C22orf23: variants seen among roughly 807,000 people sequenced by gnomAD.
C22orf23 encodes the protein UPF0193 protein EVG1.
Under a neutral mutation model 29.7 loss-of-function variants are expected in C22orf23, and 30 were observed. The ratio of observed to expected loss-of-function variants is 1.01; its 90% CI spans 0.76 to 1.37. The LOEUF is 1.37. C22orf23 is among the 40% of genes most tolerant of loss of function. The pLI is 0.00. For synonymous variants in C22orf23, 90 were observed against 96.1 expected, an observed-to-expected ratio of 0.94 and a Z score of 0.37; for missense variants, 237 against 273.1, an observed-to-expected ratio of 0.87 and a Z score of 0.93.
At chr22:37,947,208 G>T in intron 4 of C22orf23, 73 bp downstream of exon 4, 1 of 1,520,922 alleles carries the variant, frequency 6.6e-7, no homozygotes, top group Non-Finnish European at 9.1e-7. Context: ...CTGCCCTGTG[G>T]GCTGCTTGCG....
chr22:37,945,488 T>C (rs992380190), intron 4 of C22orf23, among the ~76,000 whole-genome samples: 4 of 148,748 alleles, frequency 2.7e-5, no homozygotes, highest in African/African-American at 5.1e-5. Context: ...CATCTCTTTT[T>C]TTCTTCTTTT....
rs1930503569 is a variant in C22orf23 at position 37,943,124 on chromosome 22, T to G, written c.*1051A>C. The G allele has an allele frequency of 6.6e-6, 1 of 151,740 alleles. No homozygotes were observed. The highest frequency in any genetic ancestry group is 2.4e-5 in the African/African-American group (1 of 41,278). The allele number at this position is 151,740 out of a possible 1,614,324, so 9.4% of individuals were successfully genotyped here. A position where few individuals can be genotyped will look rare whatever the true frequency, so the allele number is the denominator to read the frequency against. On this transcript the variant is annotated 3_prime_UTR_variant, in exon 7 of 7. Coordinates refer to ENST00000403305, the MANE Select transcript of C22orf23 (RefSeq NM_032561.5). ...TCCCTCCAGGTGCCCGAGACAAGGT[T>G]GATATTTCCAAAATATTTTGGTGAT...
chr22:37,951,597 A>G, intron 2 of C22orf23, 75 bp from the exon 3 acceptor site: 1 of 1,284,196 alleles, frequency 7.8e-7, no homozygotes, highest in South Asian at 1.2e-5. Flanking sequence ...ACTGAAATTT[A>G]AAACCCTACA....
rs527479624 is a variant in C22orf23 at position 37,947,134 on chromosome 22, C to T, written c.349+147G>A. ...TGCGCCCTGAATACCCCTAAGCCAA[C>T]ATGTGCTGAGGCTCAAGAGCATTGG... On this transcript the variant is annotated intron_variant, in intron 4 of 6. Coordinates refer to ENST00000403305, the MANE Select transcript of C22orf23 (RefSeq NM_032561.5). 3.1e-5 allele frequency: 24 copies of T among 776,814 alleles called. No individual in the cohort carries two copies. The East Asian group carries it at 6.4e-4, about 21-fold the overall frequency. The allele number at this position is 776,814 out of a possible 1,614,324, so 48.1% of individuals were successfully genotyped here.
intron 2 of C22orf23, among the ~76,000 whole-genome samples, chr22:37,952,048 C>G (rs1256941467): frequency 6.6e-6 from 1 of 151,988 alleles, no homozygotes; most frequent in Non-Finnish European, 1.5e-5. Flanking sequence ...CTCCTAACCT[C>G]AGGTGATCTG....
chr22:37,948,225 A>ATCAC (rs1930818252), intron 3 of C22orf23, among the ~76,000 whole-genome samples: 1 of 152,204 alleles, frequency 6.6e-6, no homozygotes, highest in South Asian at 2.1e-4. Flanking sequence ...AGGTGGGCAG[A>ATCAC]TCACTGGAGG....
intron 3 of C22orf23, 39 bp from the exon 4 acceptor site, chr22:37,947,502 CTTTTTTTTT>C (rs11359710): frequency 5.9e-5 from 19 of 321,218 alleles, no homozygotes; most frequent in African/African-American, 1.5e-4. Context: ...ACCCACATGG[CTTTTTTTTT>C]TTTTTTTTTT....
At position 37,947,449 on chromosome 22, in the gene C22orf23, G is replaced by A. The variant is rs953861268; in HGVS notation, c.181C>T (p.Pro61Ser). ...CTGGATGTTGGGCTGCACTGTAGGG[G>A]CAAAGCATCTCCTCCTGGGGAACGA... Reference protein sequence around the residue: ...MDIMKRGDALPLQCSPTSSQR... With the variant: ...MDIMKRGDALSLQCSPTSSQR... The change falls in exon 4 of 7, where the codon CCC (proline) becomes TCC (serine). Residue 61 changes from proline (P) to serine (S), a missense_variant. Pro to Ser is a moderately conservative substitution (Grantham distance 74). Transcript: ENST00000403305. The A allele has an allele frequency of 2.3e-5, 36 of 1,587,554 alleles. No homozygotes were observed. The highest frequency in any genetic ancestry group is 2.9e-5 in the Non-Finnish European group (34 of 1,166,046).
intron 3 of C22orf23, among the ~76,000 whole-genome samples, chr22:37,949,449 ATTTTTTTTTTTT>A (rs71195070): frequency 5.6e-5 from 4 of 70,920 alleles, no homozygotes; most frequent in South Asian, 5.2e-4. Context: ...CGCCTGGCTA[ATTTTTTTTTTTT>A]TTTTTTTTTT....
chr22:37,947,574 G>T (rs1032558575), intron 3 of C22orf23, 111 bp from the exon 4 acceptor site: 11 of 903,120 alleles, frequency 1.2e-5, no homozygotes, highest in Non-Finnish European at 1.6e-5. Context: ...GCAGCGGCGC[G>T]ATCTCGGCTT....
intron 3 of C22orf23, among the ~76,000 whole-genome samples, chr22:37,950,203 G>T (rs1930933313): frequency 6.6e-6 from 1 of 151,434 alleles, no homozygotes; most frequent in Admixed American, 6.6e-5. Flanking sequence ...CCCTCTGCCT[G>T]CTGGGTTCAA....
chr22:37,945,974 A>T (rs1930675690), intron 4 of C22orf23, among the ~76,000 whole-genome samples: 2 of 151,742 alleles, frequency 1.3e-5, no homozygotes, highest in South Asian at 2.1e-4. Context: ...TTAGCTGGGC[A>T]TGGGCCGGGC....
chr22:37,949,749 G>A (rs1034428185), intron 3 of C22orf23, among the ~76,000 whole-genome samples: 4 of 151,758 alleles, frequency 2.6e-5, no homozygotes, highest in Non-Finnish European at 4.4e-5. Context: ...GTGAGCCACC[G>A]CACCTGGCTC....
chr22:37,948,037 G>A (rs1238770913), intron 3 of C22orf23, among the ~76,000 whole-genome samples: 1 of 152,026 alleles, frequency 6.6e-6, no homozygotes, highest in Admixed American at 6.6e-5. Context: ...AACCTGGGAG[G>A]TGGGACTTGC....
intron 2 of C22orf23, 197 bp from the exon 3 acceptor site, chr22:37,951,719 C>T (rs1429660226): frequency 7.4e-6 from 2 of 269,736 alleles, no homozygotes; most frequent in African/African-American, 4.7e-5. Flanking sequence ...TGTTATCCTT[C>T]TATATTAGCT....
At chr22:37,946,421 G>A (rs1016237897) in intron 4 of C22orf23, among the ~76,000 whole-genome samples, 9 of 151,628 alleles carry the variant, frequency 5.9e-5, no homozygotes, top group East Asian at 2.0e-4. Context: ...GCGAGACTCC[G>A]TCTCAAAAAA....
Position 37,944,415 on chromosome 22 carries a change from A to T in C22orf23, c.582+2T>A. The T allele has an allele frequency of 6.2e-7, 1 of 1,613,884 alleles. No individual in the cohort carries two copies. Among genetic ancestry groups the T allele is most frequent in the Non-Finnish European group, 8.5e-7 (1 of 1,179,928 alleles). On this transcript the variant is annotated splice_donor_variant, in intron 6 of 6. Transcript: ENST00000403305. LOFTEE classifies it high-confidence loss of function. ...CCCCACTTTCCTGGTTGTTTCTCCT[A>T]CCTGGGAGATTTCAGCAAGGATGAT... is the stretch of plus-strand genomic sequence containing the variant.
At chr22:37,949,790 C>T (rs1930910718) in intron 3 of C22orf23, among the ~76,000 whole-genome samples, 1 of 151,980 alleles carries the variant, frequency 6.6e-6, no homozygotes, top group Non-Finnish European at 1.5e-5. Context: ...TGCCTGTCTA[C>T]CTTTTCTGCC....
intron 2 of C22orf23, chr22:37,952,827 C>G (rs910898279): frequency 8.5e-6 from 4 of 468,354 alleles, no homozygotes; most frequent in African/African-American, 8.2e-5. Context: ...TCAGTGACGG[C>G]CTTAGATTCT....
Sources: allele counts gnomAD v4.1 joint callset (sites outside exome capture counted in the v4.1 genomes callset), GRCh38; gene constraint gnomAD v4.1.1; transcripts MANE v1.5; gene names NCBI Gene and HGNC (gene_info 2026-07-23, HGNC 2026-07-21).